The following KIF26B variants were observed in gnomAD, a reference collection of about 807,000 sequenced individuals.
KIF26B encodes kinesin-like protein KIF26B.
In KIF26B, 63 loss-of-function variants were observed where a neutral mutation model predicts 151.2. The observed-to-expected ratio is 0.42, with a 90% confidence interval of 0.34 to 0.51. The LOEUF is 0.51. Among genes scored for constraint, KIF26B ranks in the 20% least tolerant of loss-of-function variants. The probability of loss-of-function intolerance (pLI) is 0.07; values close to 1 mark genes in which losing one functional copy is unlikely to be tolerated. For synonymous variants in KIF26B, 1,357 were observed against 1,262.1 expected, an observed-to-expected ratio of 1.08 and a Z score of -1.59; for missense variants, 2,813 against 2,913.6, an observed-to-expected ratio of 0.97 and a Z score of 0.79.
At chr1:245,651,601 A>G (rs1188959386) in intron 10 of KIF26B, among the ~76,000 whole-genome samples, 1 of 152,212 alleles carries the variant, frequency 6.6e-6, no homozygotes, top group African/African-American at 2.4e-5. Flanking sequence ...CCCCCAGGCC[A>G]CAGATTGGTA....
At chr1:245,329,933 C>G (rs1340475799) in intron 2 of KIF26B, among the ~76,000 whole-genome samples, 1 of 152,160 alleles carries the variant, frequency 6.6e-6, no homozygotes, top group African/African-American at 2.4e-5. Context: ...CTCCCTTAGC[C>G]TCCCAAGTAG....
intron 2 of KIF26B, among the ~76,000 whole-genome samples, chr1:245,331,897 G>A (rs1344985073): frequency 1.3e-5 from 2 of 152,044 alleles, no homozygotes; most frequent in Non-Finnish European, 2.9e-5. Flanking sequence ...GAGGCGAGGT[G>A]GGCAGATCAC....
chr1:245,442,277 G>A (rs887189606), intron 4 of KIF26B, among the ~76,000 whole-genome samples: 3 of 152,266 alleles, frequency 2.0e-5, no homozygotes, highest in East Asian at 1.9e-4. Context: ...CTTCCTGTCC[G>A]TGCTCTGGGT....
intron 4 of KIF26B, among the ~76,000 whole-genome samples, chr1:245,455,382 T>C (rs539857816): frequency 4.6e-5 from 7 of 152,106 alleles, no homozygotes; most frequent in Non-Finnish European, 8.8e-5. Context: ...CACGTGCCTA[T>C]AGTCCCAGCT....
intron 3 of KIF26B, among the ~76,000 whole-genome samples, chr1:245,383,675 A>G (rs996747342): frequency 3.3e-5 from 5 of 152,208 alleles, no homozygotes; most frequent in Admixed American, 3.3e-4. Context: ...AGCCTCTTTG[A>G]TGAGTCCATT....
chr1:245,206,602 A>G (rs1331247236), intron 2 of KIF26B: 1 of 152,212 alleles, frequency 6.6e-6, no homozygotes, highest in Non-Finnish European at 1.5e-5. Context: ...TTGAGGAATA[A>G]GATGCATCAC....
intron 2 of KIF26B, among the ~76,000 whole-genome samples, chr1:245,163,256 C>G (rs1228209710): frequency 1.3e-5 from 2 of 152,176 alleles, no homozygotes; most frequent in Admixed American, 1.3e-4. Context: ...GTTCTCCCGC[C>G]TCAGTCTCAC....
chr1:245,543,278 G>A (rs1661664792), intron 5 of KIF26B, among the ~76,000 whole-genome samples: 1 of 152,172 alleles, frequency 6.6e-6, no homozygotes. Context: ...AGTTTAGAGG[G>A]CAAAGGACAC....
At chr1:245,165,421 G>A (rs1419472479) in intron 2 of KIF26B, among the ~76,000 whole-genome samples, 8 of 152,222 alleles carry the variant, frequency 5.3e-5, no homozygotes, top group Admixed American at 4.6e-4. Context: ...GAGGATGGCT[G>A]TGGATGTTAA....
chr1:245,500,282 T>A (rs1275638149), intron 4 of KIF26B, among the ~76,000 whole-genome samples: 1 of 152,244 alleles, frequency 6.6e-6, no homozygotes, highest in Non-Finnish European at 1.5e-5. Context: ...TGTCCCAGTC[T>A]TTGGCTTTAG....
chr1:245,532,331 T>C (rs10924234), intron 4 of KIF26B, among the ~76,000 whole-genome samples: 31,257 of 147,328 alleles, frequency 0.21, 4,308 homozygotes, highest in East Asian at 0.51. Context: ...CTGCAAGCTC[T>C]GCCTCCCGGG....
intron 10 of KIF26B, among the ~76,000 whole-genome samples, chr1:245,659,099 A>G (rs149721560): frequency 2.0e-5 from 3 of 152,152 alleles, no homozygotes; most frequent in Non-Finnish European, 2.9e-5. Context: ...GTAGCCATGC[A>G]TAGTGGCGTG....
chr1:245,465,137 C>CCACAG (rs1160231525), intron 4 of KIF26B, among the ~76,000 whole-genome samples: 7 of 150,172 alleles, frequency 4.7e-5, no homozygotes, highest in African/African-American at 1.5e-4. Flanking sequence ...CGCCACCACA[C>CCACAG]CCGGCTAATT....
At chr1:245,441,932 A>G (rs1196837451) in intron 4 of KIF26B, among the ~76,000 whole-genome samples, 1 of 152,176 alleles carries the variant, frequency 6.6e-6, no homozygotes, top group African/African-American at 2.4e-5. Context: ...GGCAGACGGA[A>G]GCAGGGGAGG....
chr1:245,708,197 C>G lies in KIF26B; in HGVS notation c.*5591C>G, dbSNP rs1411934098. 6.6e-6 allele frequency: 1 copy of G among 152,206 alleles called. No homozygotes were observed. The highest frequency in any genetic ancestry group is 2.4e-5 in the African/African-American group (1 of 41,446). The allele number at this position is 152,206 out of a possible 1,614,324, so 9.4% of individuals were successfully genotyped here. ...GGGCCTCAGGTTCCCGAGTGGAAGA[C>G]TGGGGGTCAGAACAGCTGCCCTTCT... On this transcript the variant is annotated 3_prime_UTR_variant, in exon 15 of 15. Transcript: ENST00000407071.
Position 245,686,100 on chromosome 1 carries a change from G to A in KIF26B, c.3117G>A (p.Gln1039=). ...SSQHSASPLV[Q]SPSLQSSRES... ...AGCACAGCGCCTCCCCACTCGTGCA[G>A]AGCCCCAGCCTCCAGAGCAGCCGGG... The change falls in exon 12 of 15, where the codon CAG becomes CAA. Residue 1039 remains glutamine, a synonymous_variant. Coordinates refer to ENST00000407071, the MANE Select transcript of KIF26B (RefSeq NM_018012.4). The surrounding 1 kb of genome is among the most constrained non-coding windows in gnomAD (Gnocchi z 5.6). The A allele has an allele frequency of 6.2e-7, 1 of 1,607,518 alleles. No homozygotes were observed.
chr1:245,232,038 T>C (rs1488554745), intron 2 of KIF26B, among the ~76,000 whole-genome samples: 1 of 152,156 alleles, frequency 6.6e-6, no homozygotes, highest in East Asian at 1.9e-4. Flanking sequence ...TAACTGGTGG[T>C]TTGAACAAAA....
chr1:245,279,717 T>G (rs1352400247), intron 2 of KIF26B, among the ~76,000 whole-genome samples: 1 of 152,092 alleles, frequency 6.6e-6, no homozygotes, highest in African/African-American at 2.4e-5. Context: ...AAGCTGACTG[T>G]TCTCATTTCT....
At position 245,706,145 on chromosome 1, in the gene KIF26B, A is replaced by G. The variant is rs555796546; in HGVS notation, c.*3539A>G. On this transcript the variant is annotated 3_prime_UTR_variant, in exon 15 of 15. Transcript: ENST00000407071. ...TAAATTAGCCTTCAACTTGAAGTCTATTATGTTCTTATAAGGCGGTAGTGA... is the reference window on the plus strand; with the variant it reads ...TAAATTAGCCTTCAACTTGAAGTCTGTTATGTTCTTATAAGGCGGTAGTGA... 1 of 152,324 alleles carries G rather than the reference A, an allele frequency of 6.6e-6. No individual in the cohort carries two copies. Among genetic ancestry groups the G allele is most frequent in the Admixed American group, 6.5e-5 (1 of 15,300 alleles). 9.4% of individuals were successfully genotyped at this position (152,324 alleles called of 1,614,324 possible).
Sources: allele counts gnomAD v4.1 joint callset (sites outside exome capture counted in the v4.1 genomes callset), GRCh38; gene constraint gnomAD v4.1.1; non-coding constraint Gnocchi (gnomAD v3.1); transcripts MANE v1.5; gene names NCBI Gene and HGNC (gene_info 2026-07-23, HGNC 2026-07-21).